UBA1: variants seen among roughly 807,000 people sequenced by gnomAD.
UBA1 encodes the protein ubiquitin like modifier activating enzyme 1.
In UBA1, 4 loss-of-function variants were observed where a neutral mutation model predicts 84.7. The observed-to-expected ratio is 0.05, with a 90% CI of 0.02 to 0.11. The LOEUF (loss-of-function observed/expected upper bound fraction) is 0.11. Ranked by LOEUF, UBA1 falls within the 10% of genes least tolerant of loss-of-function variation. The pLI, the probability that UBA1 is intolerant of heterozygous loss-of-function variation, is 1.00. For missense variants in UBA1, 513 were observed against 902.8 expected (o/e 0.57, Z 5.53); for synonymous variants, 364 against 362.6 (o/e 1.00, Z -0.04).
Position 47,200,923 on chromosome X carries a change from G to T in UBA1, c.510G>T (p.Glu170Asp). Reference protein sequence around the residue: ...QVVVLTNTPLEDQLRVGEFCH... With the variant: ...QVVVLTNTPLDDQLRVGEFCH... ...TGGTGCTCACCAACACCCCCCTGGA[G>T]GACCAGCTGCGAGTGGGTGAGTTCT... is the stretch of plus-strand genomic sequence containing the variant. Residue 170 changes from glutamate (E) to aspartate (D), a missense_variant, in exon 6 of 26, where the codon GAG becomes GAT. Around this residue, in one of 6 missense-constraint regions of UBA1, gnomAD observed 227 missense variants for 339.1 expected, o/e 0.67. Transcript: ENST00000335972. 8.3e-7 allele frequency: 1 copy of T among 1,203,054 alleles called. No homozygotes were observed. Among genetic ancestry groups the T allele is most frequent in the South Asian group, 1.8e-5 (1 of 55,281 alleles).
chrX:47,191,285 A>G (rs1316402329), upstream of UBA1: 1 of 111,785 alleles, frequency 8.9e-6, no homozygotes, highest in Admixed American at 9.4e-5. Context: ...TACTAAAGTC[A>G]AGGCGGGACT....
chrX:47,196,914 G>C (rs958487345), intron 1 of UBA1, among the ~76,000 whole-genome samples: 3 of 112,134 alleles, frequency 2.7e-5, no homozygotes, highest in Admixed American at 9.4e-5. Context: ...AGTGAGTTCT[G>C]ACCACAGACC....
At chrX:47,204,085 C>T (rs1556789663) in intron 14 of UBA1, among the ~76,000 whole-genome samples, 1 of 99,520 alleles carries the variant, frequency 1.0e-5, no homozygotes, top group African/African-American at 3.7e-5. Flanking sequence ...TGTCAGAGAT[C>T]TTTCTGCCTC....
At chrX:47,205,104 T>G (rs1326338561) in intron 14 of UBA1, 3 of 150,990 alleles carry the variant, frequency 2.0e-5, no homozygotes, top group Non-Finnish European at 3.9e-5. Context: ...GCCTGAGTTC[T>G]GCAAAGACCT....
chrX:47,209,183 C>T, intron 16 of UBA1: 3 of 331,077 alleles, frequency 9.1e-6, no homozygotes, highest in Non-Finnish European at 1.1e-5. Flanking sequence ...TTGAGACAGT[C>T]TTCCTCTGTC....
Position 47,202,629 on chromosome X carries a change from G to A in UBA1, c.1057-9G>A. ...ACATATCCTCTCTTGGTTCTTTCTG[G>A]CCCACCAGGAGGATGCAGCAGAACT... On this transcript the variant is annotated splice_polypyrimidine_tract_variant and intron_variant, in intron 10 of 25. Transcript: ENST00000335972. 8.3e-7 allele frequency: 1 copy of A among 1,211,992 alleles called. No homozygotes were observed.
At position 47,211,210 on chromosome X, in the gene UBA1, G is replaced by A. The variant is rs371005753; in HGVS notation, c.2449G>A (p.Ala817Thr). 2.0e-5 allele frequency: 24 copies of A among 1,208,189 alleles called. No homozygotes were observed. Among genetic ancestry groups the A allele is most frequent in the African/African-American group, 3.5e-5 (2 of 57,240 alleles). ...IHVSDQELQSANASVDDSRLE... is the reference protein window; with the variant it reads ...IHVSDQELQSTNASVDDSRLE... ...TGTTTCTGACCAGGAGCTGCAGAGC[G>A]CCAATGCCTCTGTTGGTGAGGGTGT... The change falls in exon 20 of 26, where the codon GCC (alanine) becomes ACC (threonine). Residue 817 changes from alanine (A) to threonine (T), a missense_variant. By Grantham distance (58) the Ala-to-Thr change is moderately conservative. Transcript: ENST00000335972.
chrX:47,199,725 T>C (rs1851505172), intron 5 of UBA1, 111 bp downstream of exon 5: 1 of 944,460 alleles, frequency 1.1e-6, no homozygotes, highest in Admixed American at 2.2e-5. Context: ...TGTCAGGTTT[T>C]GTGCTGGGGG....
chrX:47,197,404 CTT>C (rs1413279813), intron 1 of UBA1: 1 of 753,640 alleles, frequency 1.3e-6, no homozygotes, highest in African/African-American at 2.3e-5. Flanking sequence ...GTAGGGAGCT[CTT>C]GTCATTGTGG....
chrX:47,213,903 A>G (rs972553913), intron 23 of UBA1, among the ~76,000 whole-genome samples: 3 of 110,915 alleles, frequency 2.7e-5, no homozygotes, highest in Non-Finnish European at 3.8e-5. Flanking sequence ...TGAGAATACC[A>G]GGGGGCGAGG....
chrX:47,198,629 G>A (rs1051545942), intron 1 of UBA1, among the ~76,000 whole-genome samples, 174 bp from the exon 2 acceptor site: 6 of 111,898 alleles, frequency 5.4e-5, no homozygotes, highest in Non-Finnish European at 1.1e-4. Context: ...CAGATCTTAG[G>A]TCTGACAGCT....
intron 7 of UBA1, 24 bp downstream of exon 7, chrX:47,201,390 C>T (rs935256286): frequency 1.7e-6 from 2 of 1,208,176 alleles, no homozygotes; most frequent in Non-Finnish European, 2.2e-6. Context: ...CCCTAGGGTT[C>T]CTGGCAGGCA....
intron 14 of UBA1, 128 bp downstream of exon 14, chrX:47,203,824 C>T: frequency 4.1e-6 from 3 of 727,836 alleles, no homozygotes; most frequent in Non-Finnish European, 5.9e-6. Flanking sequence ...CTCTGGCCCA[C>T]CACAACCTCT....
At position 47,206,058 on chromosome X, in the gene UBA1, C is replaced by T. The variant is rs782114984; in HGVS notation, c.1686C>T (p.Asp562=). The T allele has an allele frequency of 3.3e-6, 4 of 1,203,406 alleles. No homozygotes were observed. The highest frequency in any genetic ancestry group is 3.0e-5 in the East Asian group (1 of 33,482). The change falls in exon 15 of 26, where the codon GAC becomes GAT. Residue 562 remains aspartate, a synonymous_variant. Coordinates refer to ENST00000335972, the MANE Select transcript of UBA1 (RefSeq NM_003334.4). ...CTGACACGGAGCGCATCTATGATGA[C>T]GATTTTTTCCAAAACCTAGATGGCG... is the stretch of plus-strand genomic sequence containing the variant. ...VGPDTERIYD[D]DFFQNLDGVA... is the part of the protein sequence containing the mutation.
chrX:47,198,559 G>C (rs782761885), intron 1 of UBA1, among the ~76,000 whole-genome samples: 78 of 111,561 alleles, frequency 7.0e-4, no homozygotes, highest in African/African-American at 2.3e-3. Flanking sequence ...TGCTGGGCTG[G>C]GAAGAAGCAA....
rs370565575 is a variant in UBA1 at position 47,212,765 on chromosome X, T to C, written c.2554-6T>C. ...ACTGCCTTCACACCCTCCCCACTCA[T>C]AACAGGATGATGACAGCAACTTTCA... On this transcript the variant is annotated splice_polypyrimidine_tract_variant and splice_region_variant and intron_variant, in intron 21 of 25. Coordinates refer to ENST00000335972, the MANE Select transcript of UBA1 (RefSeq NM_003334.4). 1.4e-5 allele frequency: 17 copies of C among 1,208,900 alleles called. No individual in the cohort carries two copies. Among genetic ancestry groups the C allele is most frequent in the Non-Finnish European group, 1.5e-5 (13 of 893,275 alleles).
At position 47,200,913 on chromosome X, in the gene UBA1, C is replaced by T. The variant is rs1936389956; in HGVS notation, c.500C>T (p.Thr167Ile). ...CCACAGGTGGTGGTGCTCACCAACA[C>T]CCCCCTGGAGGACCAGCTGCGAGTG... is the stretch of plus-strand genomic sequence containing the variant. Reference protein sequence around the residue: ...SGFQVVVLTNTPLEDQLRVGE... With the variant: ...SGFQVVVLTNIPLEDQLRVGE... The change falls in exon 6 of 26, where the codon ACC becomes ATC. Residue 167 changes from threonine (T) to isoleucine (I), a missense_variant. Around this residue, in one of 6 missense-constraint regions of UBA1, gnomAD observed 227 missense variants for 339.1 expected, o/e 0.67. Transcript: ENST00000335972. 1 of 1,198,779 alleles carries T rather than the reference C, an allele frequency of 8.3e-7. No individual in the cohort carries two copies. Among genetic ancestry groups the T allele is most frequent in the African/African-American group, 1.7e-5 (1 of 57,556 alleles).
At chrX:47,212,672 T>C in intron 21 of UBA1, 99 bp from the exon 22 acceptor site, 1 of 894,978 alleles carries the variant, frequency 1.1e-6, no homozygotes, top group Non-Finnish European at 1.6e-6. Context: ...CATCCCTTTG[T>C]GATCTGGGAG....
chrX:47,199,760 G>T, intron 5 of UBA1, 146 bp downstream of exon 5: 1 of 682,154 alleles, frequency 1.5e-6, no homozygotes, highest in Non-Finnish European at 2.3e-6. Context: ...GCAGCAGTTA[G>T]CCCCTGGCCC....
Sources: gnomAD v4.1 joint callset for allele counts (sites outside exome capture counted in the v4.1 genomes callset) on GRCh38, gnomAD v4.1.1 for gene constraint, gnomAD v4.1.1 regional missense constraint, MANE v1.5 for transcripts, NCBI Gene and HGNC (gene_info 2026-07-23, HGNC 2026-07-21) for gene names.